HEPH: variants seen among roughly 807,000 people sequenced by gnomAD.
HEPH encodes the protein hephaestin.
A neutral mutation model predicts 80.8 loss-of-function variants in HEPH; 69 were observed. That is an observed-to-expected ratio of 0.85 (90% CI 0.70 to 1.04). HEPH has a LOEUF of 1.04. HEPH is among the 50% of genes least tolerant of loss of function. The pLI is 0.00. For synonymous variants in HEPH, 431 were observed against 322.8 expected, an observed-to-expected ratio of 1.34 and a Z score of -3.60; for missense variants, 1,115 against 891.3, an observed-to-expected ratio of 1.25 and a Z score of -3.20.
At chrX:66,165,588 G>A (rs2086318896) in intron 1 of HEPH, among the ~76,000 whole-genome samples, 1 of 111,289 alleles carries the variant, frequency 9.0e-6, no homozygotes, top group Admixed American at 9.6e-5. Context: ...AGGGAACACA[G>A]CAATGCAAAT....
chrX:66,233,750 A>G lies in HEPH; in HGVS notation c.2564-21285A>G, dbSNP rs183160049. Among the ~76,000 whole-genome samples, 11 of 110,526 alleles carry G rather than the reference A, an allele frequency of 1.0e-4. No individual in the cohort carries two copies. In the East Asian group the frequency reaches 2.8e-3, roughly 28 times the overall value. On this transcript the variant is annotated intron_variant, in intron 15 of 20. Coordinates refer to ENST00000343002, the MANE Select transcript of HEPH (RefSeq NM_001367233.3). ...TATTAAAATTAAATTGAATATATACATTTCCAAAAAGCATAACATGGAAAT... is the reference window on the plus strand; with the variant it reads ...TATTAAAATTAAATTGAATATATACGTTTCCAAAAAGCATAACATGGAAAT...
chrX:66,189,568 C>G (rs2087680304), intron 5 of HEPH, 116 bp from the exon 6 acceptor site: 2 of 780,033 alleles, frequency 2.6e-6, no homozygotes, highest in African/African-American at 4.2e-5. Context: ...TAGGTCAACA[C>G]AGTGTGCTGT....
chrX:66,206,041 G>A (rs1458501692), intron 13 of HEPH, among the ~76,000 whole-genome samples: 1 of 110,668 alleles, frequency 9.0e-6, no homozygotes, highest in Non-Finnish European at 1.9e-5. Flanking sequence ...TACCCCATAG[G>A]CCTATTAGAA....
rs1004256066 is a variant in HEPH at position 66,263,808 on chromosome X, A to C, written c.3244+120A>C. Reference sequence around the variant, plus strand: ...TGAGAGTTAGAATACATCAGCAGAAAGTATCCTGAGACTTCTGCAAGACTT... The same window carrying C: ...TGAGAGTTAGAATACATCAGCAGAACGTATCCTGAGACTTCTGCAAGACTT... On this transcript the variant is annotated intron_variant, in intron 20 of 20. Transcript: ENST00000343002. 1.4e-5 allele frequency: 9 copies of C among 649,976 alleles called. No homozygotes were observed. The Admixed American group carries it at 2.5e-4, about 18-fold the overall frequency. The allele number at this position is 649,976 out of a possible 1,213,427, so 53.6% of individuals were successfully genotyped here.
chrX:66,239,137 G>T (rs753865510), intron 15 of HEPH, among the ~76,000 whole-genome samples: 1 of 112,297 alleles, frequency 8.9e-6, no homozygotes, highest in African/African-American at 3.2e-5. Flanking sequence ...TTTATGGCCA[G>T]ATTTTTGGGG....
Position 66,237,063 on chromosome X carries a change from A to T in HEPH, c.2564-17972A>T, listed in dbSNP as rs893212880. On this transcript the variant is annotated intron_variant, in intron 15 of 20. Coordinates refer to ENST00000343002, the MANE Select transcript of HEPH (RefSeq NM_001367233.3). ...TATTTTATTAGTTACTTCAAAAAAC[A>T]AACCCCTGGATTCATTAATCTTTTG... Among the ~76,000 whole-genome samples, 4 of 111,096 alleles carry T rather than the reference A, an allele frequency of 3.6e-5. No homozygotes were observed. The Admixed American group carries it at 3.8e-4, about 11-fold the overall frequency.
intron 15 of HEPH, among the ~76,000 whole-genome samples, chrX:66,246,556 G>A (rs1018765947): frequency 1.4e-4 from 15 of 111,010 alleles, no homozygotes; most frequent in African/African-American, 4.6e-4. Context: ...AAGCATCCAG[G>A]TGGTCCTCTG....
At chrX:66,193,308 G>T (rs1273516347) in intron 7 of HEPH, among the ~76,000 whole-genome samples, 194 bp from the exon 8 acceptor site, 1 of 109,475 alleles carries the variant, frequency 9.1e-6, no homozygotes, top group East Asian at 2.9e-4. Context: ...TTTTGGAAAG[G>T]CTCAAGCAGA....
At chrX:66,255,345 T>C (rs1159356498) in intron 16 of HEPH, among the ~76,000 whole-genome samples, 1 of 110,802 alleles carries the variant, frequency 9.0e-6, no homozygotes, top group Admixed American at 9.6e-5. Flanking sequence ...AAGATTTTCT[T>C]CCTTATCTTT....
intron 15 of HEPH, among the ~76,000 whole-genome samples, chrX:66,244,147 C>A (rs1349257129): frequency 9.0e-6 from 1 of 111,467 alleles, no homozygotes; most frequent in Non-Finnish European, 1.9e-5. Context: ...GAAGACTATG[C>A]ACACTAGGAA....
At chrX:66,202,173 G>T (rs140006755) in intron 12 of HEPH, among the ~76,000 whole-genome samples, 1 of 111,529 alleles carries the variant, frequency 9.0e-6, no homozygotes, top group East Asian at 2.8e-4. Context: ...GATACTTGGG[G>T]GTGGGGTGGG....
chrX:66,214,100 G>T (rs1003559556), intron 15 of HEPH, among the ~76,000 whole-genome samples: 1 of 111,912 alleles, frequency 8.9e-6, no homozygotes, highest in African/African-American at 3.3e-5. Flanking sequence ...CAGGGTCTGT[G>T]CTGTAGATCT....
At chrX:66,258,146 C>T (rs1351373742) in intron 17 of HEPH, among the ~76,000 whole-genome samples, 1 of 111,538 alleles carries the variant, frequency 9.0e-6, no homozygotes, top group Non-Finnish European at 1.9e-5. Flanking sequence ...ACATTCTTTC[C>T]TGCATATTAG....
chrX:66,178,177 G>A (rs1236667820), intron 4 of HEPH, among the ~76,000 whole-genome samples: 5 of 111,006 alleles, frequency 4.5e-5, no homozygotes, highest in African/African-American at 1.6e-4. Flanking sequence ...TCCCACCTAT[G>A]AGTGAGAACA....
At chrX:66,233,502 A>T (rs990647372) in intron 15 of HEPH, among the ~76,000 whole-genome samples, 3 of 111,688 alleles carry the variant, frequency 2.7e-5, no homozygotes, top group African/African-American at 9.8e-5. Context: ...GAGTGGATTT[A>T]TGAGCACTGG....
At position 66,208,109 on chromosome X, in the gene HEPH, C is replaced by T. The variant is rs1331699321; in HGVS notation, c.2432-6C>T. On this transcript the variant is annotated splice_region_variant and splice_polypyrimidine_tract_variant and intron_variant, in intron 14 of 20. Transcript: ENST00000343002. Reference sequence around the variant, plus strand: ...TTATTTATTTAATTATTTTTGTTTACATTAGGTCCACTTATCAAAGGTGAA... The same window carrying T: ...TTATTTATTTAATTATTTTTGTTTATATTAGGTCCACTTATCAAAGGTGAA... The T allele has an allele frequency of 3.4e-6, 4 of 1,164,872 alleles. No homozygotes were observed. Among genetic ancestry groups the T allele is most frequent in the Admixed American group, 2.4e-5 (1 of 42,218 alleles).
At chrX:66,222,490 G>C (rs1220569329) in intron 15 of HEPH, among the ~76,000 whole-genome samples, 2 of 112,131 alleles carry the variant, frequency 1.8e-5, no homozygotes, top group African/African-American at 6.5e-5. Flanking sequence ...TTGGTATGCT[G>C]TCTTAATTGC....
chrX:66,204,699 A>G (rs1264212), intron 13 of HEPH, among the ~76,000 whole-genome samples: 3 of 111,047 alleles, frequency 2.7e-5, no homozygotes, highest in Admixed American at 9.5e-5. Flanking sequence ...CAATTGAATT[A>G]TCAGCAACTA....
intron 9 of HEPH, 42 bp downstream of exon 9, chrX:66,195,271 T>C (rs1208949618): frequency 9.6e-7 from 1 of 1,039,742 alleles, no homozygotes; most frequent in African/African-American, 1.9e-5. Context: ...CTCTAGGTGG[T>C]ACCATGTGTC....
Sources: gnomAD v4.1 joint callset for allele counts (sites outside exome capture counted in the v4.1 genomes callset) on GRCh38, gnomAD v4.1.1 for gene constraint, MANE v1.5 for transcripts, NCBI Gene and HGNC (gene_info 2026-07-23, HGNC 2026-07-21) for gene names.